Variants in LBH observed in about 807,000 individuals in gnomAD.
LBH encodes protein LBH.
Under a neutral mutation model 12.5 loss-of-function variants are expected in LBH, and 7 were observed. The observed-to-expected ratio is 0.56, with a 90% CI of 0.32 to 1.05. LBH has a LOEUF of 1.05. LBH is among the 50% of genes least tolerant of loss of function. LBH has a pLI of 0.04. For missense variants in LBH, 119 were observed against 138.9 expected (o/e 0.86, Z 0.72); for synonymous variants, 51 against 50.1 (o/e 1.02, Z -0.08).
intron 1 of LBH, 95 bp downstream of exon 1, chr2:30,231,859 C>G: frequency 2.5e-5 from 28 of 1,141,472 alleles, no homozygotes; most frequent in Non-Finnish European, 3.0e-5. Context: ...CGAGGGCAGC[C>G]GGCGGCGCGG....
intron 2 of LBH, among the ~76,000 whole-genome samples, chr2:30,249,998 A>G (rs1677952061): frequency 6.6e-6 from 1 of 152,178 alleles, no homozygotes; most frequent in Admixed American, 6.5e-5. Context: ...GTAAAGTGGA[A>G]ATGATTTTCT....
intron 2 of LBH, among the ~76,000 whole-genome samples, chr2:30,239,938 G>A (rs961812985): frequency 5.3e-5 from 8 of 152,208 alleles, no homozygotes; most frequent in African/African-American, 1.9e-4. Flanking sequence ...GGTCACAACA[G>A]TGAGTCTGTA....
chr2:30,252,964 C>T (rs1462714737), intron 2 of LBH, among the ~76,000 whole-genome samples: 2 of 152,210 alleles, frequency 1.3e-5, no homozygotes, highest in Non-Finnish European at 2.9e-5. Flanking sequence ...TTTTGCCTTT[C>T]TGTAGTACAG....
At chr2:30,239,221 T>G (rs1461708804) in intron 2 of LBH, among the ~76,000 whole-genome samples, 3 of 152,138 alleles carry the variant, frequency 2.0e-5, no homozygotes, top group Non-Finnish European at 4.4e-5. Context: ...CTGCTGAGCC[T>G]CTCTTGATGG....
intron 1 of LBH, chr2:30,232,192 A>T (rs1035075914): frequency 7.7e-7 from 1 of 1,299,284 alleles, no homozygotes; most frequent in Admixed American, 2.5e-5. Context: ...GGCCGGCAGC[A>T]GCGGGGCTGA....
At chr2:30,236,173 T>C (rs1473543670) in intron 2 of LBH, among the ~76,000 whole-genome samples, 1 of 152,254 alleles carries the variant, frequency 6.6e-6, no homozygotes, top group Non-Finnish European at 1.5e-5. Context: ...GTGCTTTTCA[T>C]ATTTTCCTTT....
intron 2 of LBH, among the ~76,000 whole-genome samples, chr2:30,237,447 G>C (rs1677709398): frequency 7.0e-6 from 1 of 143,244 alleles, no homozygotes; most frequent in Non-Finnish European, 1.5e-5. Flanking sequence ...CGAGGATACG[G>C]GTCCTGTTTT....
chr2:30,257,292 A>G, intron 2 of LBH, 141 bp from the exon 3 acceptor site: 1 of 832,758 alleles, frequency 1.2e-6, no homozygotes. Flanking sequence ...CACCTTATAT[A>G]CTCCACAGCC....
At chr2:30,236,559 A>G (rs1371364070) in intron 2 of LBH, among the ~76,000 whole-genome samples, 1 of 152,154 alleles carries the variant, frequency 6.6e-6, no homozygotes, top group Admixed American at 6.5e-5. Flanking sequence ...AGCTTTTCTG[A>G]TTTCAGAAAG....
At position 30,257,528 on chromosome 2, in the gene LBH, C is replaced by T. The variant is rs746125137; in HGVS notation, c.225C>T (p.Ser75=). 5.0e-6 allele frequency: 8 copies of T among 1,614,148 alleles called. No homozygotes were observed. Among genetic ancestry groups the T allele is most frequent in the Middle Eastern group, 1.6e-4 (1 of 6,062 alleles). The stretch of plus-strand genomic sequence containing the variant: ...AACCCACAGAAGGGGAGGTGGAGAG[C>T]GGGGAGCTCCGGTGGCCCCCTGAGG... ...VVEPTEGEVE[S]GELRWPPEEF... is the part of the protein sequence containing the mutation. Residue 75 remains serine (S), a synonymous_variant, in exon 3 of 3, where the codon AGC becomes AGT. Coordinates refer to ENST00000395323, the MANE Select transcript of LBH (RefSeq NM_030915.4).
chr2:30,243,806 G>T (rs1677828300), intron 2 of LBH, among the ~76,000 whole-genome samples: 1 of 151,928 alleles, frequency 6.6e-6, no homozygotes, highest in Non-Finnish European at 1.5e-5. Flanking sequence ...TGGGATTACA[G>T]ACGTGAGCCA....
intron 2 of LBH, among the ~76,000 whole-genome samples, chr2:30,251,462 G>A (rs1297376633): frequency 6.6e-6 from 1 of 151,864 alleles, no homozygotes. Context: ...GGGACTGGAG[G>A]CCACCAGGCA....
At chr2:30,249,905 G>A (rs550691893) in intron 2 of LBH, among the ~76,000 whole-genome samples, 2 of 152,350 alleles carry the variant, frequency 1.3e-5, no homozygotes, top group East Asian at 3.9e-4. Flanking sequence ...AGTAGAGGAG[G>A]AGAATAGGCC....
At chr2:30,238,285 A>G (rs1677723922) in intron 2 of LBH, among the ~76,000 whole-genome samples, 1 of 152,214 alleles carries the variant, frequency 6.6e-6, no homozygotes, top group Non-Finnish European at 1.5e-5. Flanking sequence ...CTACAGTTTC[A>G]TCACCCCAGC....
intron 2 of LBH, among the ~76,000 whole-genome samples, chr2:30,238,692 C>T (rs1327422086): frequency 2.0e-5 from 3 of 152,124 alleles, no homozygotes; most frequent in Non-Finnish European, 4.4e-5. Flanking sequence ...AGCAGGCTAG[C>T]GGGCTGACTT....
At position 30,231,656 on chromosome 2, in the gene LBH, G is replaced by A; in HGVS notation, c.-83G>A. 7.1e-7 allele frequency: 1 copy of A among 1,415,556 alleles called. No individual in the cohort carries two copies. Among genetic ancestry groups the A allele is most frequent in the Non-Finnish European group, 9.9e-7 (1 of 1,011,386 alleles). The allele number at this position is 1,415,556 out of a possible 1,614,324, so 87.7% of individuals were successfully genotyped here. A position where few individuals can be genotyped will look rare whatever the true frequency, so the allele number is the denominator to read the frequency against. On this transcript the variant is annotated 5_prime_UTR_variant, in exon 1 of 3. Coordinates refer to ENST00000395323, the MANE Select transcript of LBH (RefSeq NM_030915.4). ...CCGCACTCGGCCGCCTGCCGTGCCCGTCTGCGCCCGTGTCATCCTCACTCG... is the reference window on the plus strand; with the variant it reads ...CCGCACTCGGCCGCCTGCCGTGCCCATCTGCGCCCGTGTCATCCTCACTCG...
At chr2:30,238,409 T>G (rs1677727090) in intron 2 of LBH, among the ~76,000 whole-genome samples, 1 of 152,222 alleles carries the variant, frequency 6.6e-6, no homozygotes, top group Non-Finnish European at 1.5e-5. Context: ...ATTTCTCTAA[T>G]CAGCACACGT....
intron 2 of LBH, among the ~76,000 whole-genome samples, chr2:30,246,713 TTCACTAG>T (rs1677875080): frequency 9.4e-6 from 1 of 106,860 alleles, no homozygotes. Flanking sequence ...TCTTTGGTAC[TTCACTAG>T]TTTTTTTCCT....
intron 1 of LBH, 131 bp from the exon 2 acceptor site, chr2:30,234,274 G>GTTTTCCT: frequency 1.4e-6 from 1 of 723,034 alleles, no homozygotes; most frequent in Non-Finnish European, 2.4e-6. Flanking sequence ...TTGTTTTGCT[G>GTTTTCCT]CAAGTTCTGT....
Sources: gnomAD v4.1 joint callset for allele counts (sites outside exome capture counted in the v4.1 genomes callset) on GRCh38, gnomAD v4.1.1 for gene constraint, MANE v1.5 for transcripts, NCBI Gene and HGNC (gene_info 2026-07-23, HGNC 2026-07-21) for gene names.